The following PACS1 variants were observed in gnomAD, a reference collection of about 807,000 sequenced individuals.
PACS1 encodes PACS-1.
A neutral mutation model predicts 115.0 loss-of-function variants in PACS1; 24 were observed. That is an observed-to-expected ratio of 0.21 (90% CI 0.15 to 0.29). PACS1 has a LOEUF of 0.29. PACS1 is among the 10% of genes least tolerant of loss of function. The pLI is 1.00. For missense variants in PACS1, 838 were observed against 1,251.2 expected (o/e 0.67, Z 4.98); for synonymous variants, 453 against 504.5 (o/e 0.90, Z 1.37).
chr11:66,093,700 TA>T (rs1311920201), intron 1 of PACS1, among the ~76,000 whole-genome samples: 16 of 150,480 alleles, frequency 1.1e-4, no homozygotes, highest in African/African-American at 3.2e-4. Context: ...GCGGACCTAA[TA>T]GACATCTACA....
At position 66,070,339 on chromosome 11, in the gene PACS1, C is replaced by T. The variant is rs1002443672; in HGVS notation, c.-148C>T. 1.6e-5 allele frequency: 5 copies of T among 304,964 alleles called. No homozygotes were observed. Among genetic ancestry groups the T allele is most frequent in the African/African-American group, 6.7e-5 (3 of 44,660 alleles). The allele number at this position is 304,964 out of a possible 1,614,324, so 18.9% of individuals were successfully genotyped here. On this transcript the variant is annotated 5_prime_UTR_variant, in exon 1 of 24. Coordinates refer to ENST00000320580, the MANE Select transcript of PACS1 (RefSeq NM_018026.4). This position sits in a 1 kb window ranked among gnomAD's most constrained non-coding sequence, Gnocchi z 5.9. ...AGCGCGAGGCCCGCGCGCCCAGAGGCCCCGCGCGTGCGTGCAGCTCGCTGG... is the reference window on the plus strand; with the variant it reads ...AGCGCGAGGCCCGCGCGCCCAGAGGTCCCGCGCGTGCGTGCAGCTCGCTGG...
At chr11:66,154,664 T>G (rs897249169) in intron 1 of PACS1, among the ~76,000 whole-genome samples, 1 of 152,204 alleles carries the variant, frequency 6.6e-6, no homozygotes, top group African/African-American at 2.4e-5. Context: ...TAACAAAATG[T>G]ATGTAAAACT....
chr11:66,197,486 G>A (rs556488870), intron 2 of PACS1, among the ~76,000 whole-genome samples: 1 of 152,240 alleles, frequency 6.6e-6, no homozygotes, highest in Admixed American at 6.5e-5. Flanking sequence ...TAATGGTGTA[G>A]TATCAAAGGA....
intron 1 of PACS1, among the ~76,000 whole-genome samples, chr11:66,091,442 G>A (rs1017118131): frequency 6.6e-5 from 10 of 151,532 alleles, no homozygotes; most frequent in Non-Finnish European, 1.5e-4. Context: ...CGCCCAGCCT[G>A]GTTTTATTTT....
intron 1 of PACS1, among the ~76,000 whole-genome samples, chr11:66,130,596 A>G (rs1858676892): frequency 6.6e-6 from 1 of 152,140 alleles, no homozygotes; most frequent in South Asian, 2.1e-4. Context: ...TATAAATAGT[A>G]TTACATGATA....
At chr11:66,205,625 C>T (rs1340280074) in intron 2 of PACS1, among the ~76,000 whole-genome samples, 2 of 149,854 alleles carry the variant, frequency 1.3e-5, no homozygotes, top group African/African-American at 4.9e-5. Flanking sequence ...GAAACCCCAA[C>T]AAATTTCCTC....
chr11:66,203,560 CAAAGAACA>C (rs1854865994), intron 2 of PACS1, among the ~76,000 whole-genome samples: 1 of 152,002 alleles, frequency 6.6e-6, no homozygotes, highest in Non-Finnish European at 1.5e-5. Flanking sequence ...ATCCTGAGCA[CAAAGAACA>C]AAATTAGAGA....
chr11:66,083,247 G>T lies in PACS1; in HGVS notation c.356+12405G>T, dbSNP rs536087818. 2.1e-3 allele frequency among the ~76,000 whole-genome samples: 326 copies of T among 152,200 alleles called. 1 individual carries two copies. The highest frequency in any genetic ancestry group is 6.1e-3 in the Admixed American group (93 of 15,286). On this transcript the variant is annotated intron_variant, in intron 1 of 23. Transcript: ENST00000320580. Reference sequence around the variant, plus strand: ...CCTGTGGCTATTAATGGATTTAATTGTATTTCCTCTCTGCCACCAAGATAT... The same window carrying T: ...CCTGTGGCTATTAATGGATTTAATTTTATTTCCTCTCTGCCACCAAGATAT...
chr11:66,157,620 AC>A (rs1416350158), intron 1 of PACS1, among the ~76,000 whole-genome samples: 2 of 152,254 alleles, frequency 1.3e-5, no homozygotes, highest in South Asian at 2.1e-4. Flanking sequence ...CAGGTTTCTT[AC>A]CCAAAATAGT....
chr11:66,082,588 G>T (rs945027649), intron 1 of PACS1, among the ~76,000 whole-genome samples: 10 of 152,206 alleles, frequency 6.6e-5, no homozygotes, highest in African/African-American at 2.4e-4. Context: ...CAGGCCGGGC[G>T]CTGTGGCTCA....
rs1480917195 is a variant in PACS1 at position 66,197,422 on chromosome 11, GA to G, written c.444+3857del. 7.2e-5 allele frequency among the ~76,000 whole-genome samples: 11 copies of G among 152,010 alleles called. No individual in the cohort carries two copies. The South Asian group carries it at 8.3e-4, about 11-fold the overall frequency. ...TGATATTATTTAAAATTCTACTTTGGAAAAAAAATTTTTACTTTGCAACTAA... is the reference window on the plus strand; with the variant it reads ...TGATATTATTTAAAATTCTACTTTGGAAAAAAATTTTTACTTTGCAACTAA... On this transcript the variant is annotated intron_variant, in intron 2 of 23. Coordinates refer to ENST00000320580, the MANE Select transcript of PACS1 (RefSeq NM_018026.4).
intron 1 of PACS1, among the ~76,000 whole-genome samples, chr11:66,141,279 A>G (rs1405965270): frequency 6.6e-6 from 1 of 152,140 alleles, no homozygotes; most frequent in African/African-American, 2.4e-5. Context: ...GATTAAATAT[A>G]TTTATATGCA....
intron 1 of PACS1, among the ~76,000 whole-genome samples, chr11:66,142,588 G>C (rs1291662543): frequency 6.7e-6 from 1 of 149,924 alleles, no homozygotes; most frequent in Admixed American, 6.7e-5. Flanking sequence ...GACTACAGGC[G>C]TGAGGCACTG....
chr11:66,106,763 G>GA (rs960646245), intron 1 of PACS1, among the ~76,000 whole-genome samples: 89 of 141,448 alleles, frequency 6.3e-4, no homozygotes, highest in East Asian at 1.8e-3. Context: ...CTGTCTCAGA[G>GA]AAAAAAAAAA....
Position 66,241,531 on chromosome 11 carries a change from C to T in PACS1, c.2534C>T (p.Ser845Leu), listed in dbSNP as rs1007312717. The change falls in exon 22 of 24, where the codon TCG (serine) becomes TTG (leucine). Residue 845 changes from serine to leucine, a missense_variant. Ser to Leu is a moderately radical substitution (Grantham distance 145, BLOSUM62 -2). Coordinates refer to ENST00000320580, the MANE Select transcript of PACS1 (RefSeq NM_018026.4). ...GAAGGCGACAAGAGGGACGCCAGCT[C>T]GAAGAACACCCTCAAGAGTGTCTTC... is the stretch of plus-strand genomic sequence containing the variant. Reference protein sequence around the residue: ...RREGDKRDASSKNTLKSVFRS... With the variant: ...RREGDKRDASLKNTLKSVFRS... 9.9e-6 allele frequency: 16 copies of T among 1,614,078 alleles called. No homozygotes were observed. Among genetic ancestry groups the T allele is most frequent in the Non-Finnish European group, 1.3e-5 (15 of 1,180,038 alleles).
intron 10 of PACS1, 103 bp from the exon 11 acceptor site, chr11:66,227,401 T>TA (rs1855489115): frequency 1.5e-6 from 1 of 685,152 alleles, no homozygotes; most frequent in Non-Finnish European, 2.5e-6. Flanking sequence ...TTATGAGGTT[T>TA]GAGATTAAAT....
rs552110673 is a variant in PACS1, at chr11:66,234,024, G to C, written c.1993+85G>C. 7.5e-5 allele frequency: 118 copies of C among 1,566,136 alleles called. 2 individuals carry two copies. In the South Asian group the frequency reaches 1.3e-3, roughly 17 times the overall value. ...ATCTGGAACAGGACGGTGGGGTTGGGGCCTAGGAAGGGACAGTCAAGGAGA... is the reference window on the plus strand; with the variant it reads ...ATCTGGAACAGGACGGTGGGGTTGGCGCCTAGGAAGGGACAGTCAAGGAGA... On this transcript the variant is annotated intron_variant, in intron 16 of 23. Transcript: ENST00000320580.
rs181985912 is a variant in PACS1 at position 66,089,866 on chromosome 11, T to G, written c.356+19024T>G. Among the ~76,000 whole-genome samples the G allele has an allele frequency of 4.0e-3, 608 of 151,676 alleles. 4 individuals are homozygous for G. The highest frequency in any genetic ancestry group is 0.014 in the African/African-American group (578 of 41,388). On this transcript the variant is annotated intron_variant, in intron 1 of 23. Transcript: ENST00000320580. The stretch of plus-strand genomic sequence containing the variant: ...CTAAAAATACAAAAAATTAGCTGGG[T>G]GTGGTGGCGGGCACCTGTAGTCCCA...
rs1554988658 is a variant in PACS1 at position 66,202,726 on chromosome 11, G to GGGGAAAAAAAAAA, written c.445-7636_445-7635insGGGAAAAAAAAAA. 4.6e-4 allele frequency among the ~76,000 whole-genome samples: 5 copies of GGGGAAAAAAAAAA among 10,964 alleles called. 1 individual carries two copies. Among genetic ancestry groups the GGGGAAAAAAAAAA allele is most frequent in the African/African-American group, 1.2e-3 (5 of 4,192 alleles). The allele number at this position is 10,964 out of a possible 152,430, so 7.2% of individuals were successfully genotyped here. A position where few individuals can be genotyped will look rare whatever the true frequency, so the allele number is the denominator to read the frequency against. ...CAACATGGCAAAACCTCATCTCTAG[G>GGGGAAAAAAAAAA]AAAAAAAAAAAAAAAAATATATATA... On this transcript the variant is annotated intron_variant, in intron 2 of 23. Coordinates refer to ENST00000320580, the MANE Select transcript of PACS1 (RefSeq NM_018026.4).
Sources: gnomAD v4.1 joint callset for allele counts (sites outside exome capture counted in the v4.1 genomes callset) on GRCh38, gnomAD v4.1.1 for gene constraint, Gnocchi (gnomAD v3.1) non-coding constraint, MANE v1.5 for transcripts, NCBI Gene and HGNC (gene_info 2026-07-23, HGNC 2026-07-21) for gene names.